Variants in SYNJ2 observed in about 807,000 individuals in gnomAD.
The protein encoded by SYNJ2 is synaptojanin 2, also known as polyphosphatidylinositol phosphatase SYNJ2.
In SYNJ2, 116 loss-of-function variants were observed where a neutral mutation model predicts 141.3. The observed-to-expected ratio is 0.82, with a 90% CI of 0.71 to 0.96. The LOEUF is 0.96. Among genes scored for constraint, SYNJ2 ranks in the 40% least tolerant of loss-of-function variants. The pLI is 0.00. For missense variants in SYNJ2, 1,873 were observed against 1,934.8 expected, an observed-to-expected ratio of 0.97 and a Z score of 0.60; for synonymous variants, 745 against 777.7, an observed-to-expected ratio of 0.96 and a Z score of 0.70.
At chr6:157,985,994 G>C (rs1193379941) in intron 1 of SYNJ2, among the ~76,000 whole-genome samples, 2 of 152,238 alleles carry the variant, frequency 1.3e-5, no homozygotes, top group Non-Finnish European at 2.9e-5. Flanking sequence ...GAATTGGTGA[G>C]ATGGCCCCAG....
In SYNJ2 at chr6:158,083,592, C is replaced by A; in HGVS notation, c.3029C>A (p.Ser1010Ter). 1 of 1,614,120 alleles carries A rather than the reference C, an allele frequency of 6.2e-7. No individual in the cohort carries two copies. Among genetic ancestry groups the A allele is most frequent in the South Asian group, 1.1e-5 (1 of 91,070 alleles). The change falls in exon 21 of 27, where the codon TCA becomes TAA. Residue 1010 changes from serine to a stop codon, truncating the protein, a stop_gained. Coordinates refer to ENST00000355585, the MANE Select transcript of SYNJ2 (RefSeq NM_003898.4). LOFTEE classifies it high-confidence loss of function. ...NFDFTSLDYE[S>*]EGDILEDDED... is the part of the protein sequence containing the mutation. ...GACTTCACAAGTTTGGACTATGAGT[C>A]AGAAGGTTAGTGACCCTGCAGGGAG... is the stretch of plus-strand genomic sequence containing the variant.
At chr6:158,083,284 T>C (rs1460942203) in intron 20 of SYNJ2, 145 bp from the exon 21 acceptor site, 2 of 923,132 alleles carry the variant, frequency 2.2e-6, no homozygotes, top group Non-Finnish European at 3.2e-6. Flanking sequence ...TGAGCCTGCG[T>C]GAGGTCTGGA....
intron 1 of SYNJ2, among the ~76,000 whole-genome samples, chr6:157,993,736 A>C (rs1452502401): frequency 2.7e-5 from 1 of 37,332 alleles, no homozygotes; most frequent in African/African-American, 1.8e-4. Flanking sequence ...TTTTTTTTTT[A>C]AGTAACCTGG....
upstream of SYNJ2, among the ~76,000 whole-genome samples, chr6:157,981,695 G>A (rs969677025): frequency 5.3e-5 from 8 of 151,824 alleles, no homozygotes; most frequent in Non-Finnish European, 1.2e-4. This position sits in a 1 kb window ranked among gnomAD's most constrained non-coding sequence, Gnocchi z 6.4. Context: ...CCTCAGCCCC[G>A]GGGCGCGGCC....
rs1447253732 is a variant in SYNJ2 at position 157,995,653 on chromosome 6, A to ACATG, written c.127+13572_127+13575dup. 2.6e-5 allele frequency among the ~76,000 whole-genome samples: 4 copies of ACATG among 152,364 alleles called. No individual in the cohort carries two copies. In the South Asian group the frequency reaches 6.2e-4, roughly 24 times the overall value. Reference sequence around the variant, plus strand: ...GGCATGCGCCAGGAGACAGACGGACACATGCATGCACACACACACACAGCG... The same window carrying ACATG: ...GGCATGCGCCAGGAGACAGACGGACACATGCATGCATGCACACACACACACAGCG... On this transcript the variant is annotated intron_variant, in intron 1 of 26. Transcript: ENST00000355585.
chr6:158,014,563 G>A (rs187069864), intron 1 of SYNJ2, among the ~76,000 whole-genome samples: 80 of 152,368 alleles, frequency 5.3e-4, no homozygotes, highest in Non-Finnish European at 1.0e-3. Context: ...CTCCAGCTAC[G>A]CTGGTAATCA....
chr6:158,074,559 A>G, intron 15 of SYNJ2, 21 bp from the exon 16 acceptor site: 1 of 1,606,634 alleles, frequency 6.2e-7, no homozygotes. Context: ...CTGAATGATT[A>G]TGATTTTCTT....
chr6:158,057,089 GC>G (rs1780912980), intron 6 of SYNJ2, among the ~76,000 whole-genome samples: 1 of 152,132 alleles, frequency 6.6e-6, no homozygotes, highest in Non-Finnish European at 1.5e-5. Context: ...CGGCTGCTGT[GC>G]ACATCAGGGT....
intron 1 of SYNJ2, among the ~76,000 whole-genome samples, chr6:158,005,034 A>C (rs1583304157): frequency 2.1e-5 from 3 of 140,364 alleles, no homozygotes; most frequent in African/African-American, 2.7e-5. Context: ...TTCTTTCTCC[A>C]CTTTCACCTT....
At chr6:158,036,617 G>A (rs545260095) in intron 4 of SYNJ2, among the ~76,000 whole-genome samples, 1 of 152,254 alleles carries the variant, frequency 6.6e-6, no homozygotes, top group South Asian at 2.1e-4. Context: ...GCCTATCAGA[G>A]GGTGGAGGAT....
At chr6:158,013,390 C>T (rs1193949449) in intron 1 of SYNJ2, among the ~76,000 whole-genome samples, 1 of 152,088 alleles carries the variant, frequency 6.6e-6, no homozygotes, top group East Asian at 1.9e-4. Flanking sequence ...AAAAAAATTG[C>T]ATACAATTTT....
At position 158,093,036 on chromosome 6, in the gene SYNJ2, C is replaced by T; in HGVS notation, c.3676C>T (p.Leu1226Phe). ...AKPETPQAPP[L>F]LPRRPPPRVP... ...ACCAGAGACCCCACAGGCGCCCCCACTCCTTCCCCGTCGGCCCCCACCCAG... is the reference window on the plus strand; with the variant it reads ...ACCAGAGACCCCACAGGCGCCCCCATTCCTTCCCCGTCGGCCCCCACCCAG... Residue 1226 changes from leucine to phenylalanine, a missense_variant, in exon 26 of 27, where the codon CTC becomes TTC. Transcript: ENST00000355585. 4 of 1,611,634 alleles carry T rather than the reference C, an allele frequency of 2.5e-6. No individual in the cohort carries two copies. Among genetic ancestry groups the T allele is most frequent in the Non-Finnish European group, 3.4e-6 (4 of 1,179,438 alleles).
In SYNJ2 at chr6:158,049,247, G is replaced by A. The variant is rs565044301; in HGVS notation, c.796-5720G>A. Among the ~76,000 whole-genome samples the A allele has an allele frequency of 3.9e-5, 6 of 152,240 alleles. No homozygotes were observed. The South Asian group carries it at 6.2e-4, about 16-fold the overall frequency. On this transcript the variant is annotated intron_variant, in intron 5 of 26. Transcript: ENST00000355585. ...CCCTTTGCCCAGAGGGGAGGAGGAC[G>A]GGGTGGAGGAGAAGGGAAGCTACAA...
Position 158,081,194 on chromosome 6 carries a change from C to T in SYNJ2, c.2653C>T (p.Gln885Ter), listed in dbSNP as rs1782655597. 1.2e-6 allele frequency: 2 copies of T among 1,614,136 alleles called. No individual in the cohort carries two copies. Among genetic ancestry groups the T allele is most frequent in the Non-Finnish European group, 1.7e-6 (2 of 1,180,012 alleles). The change falls in exon 19 of 27, where the codon CAG becomes TAG. Residue 885 changes from glutamine (Q) to a stop codon, truncating the protein, a stop_gained. Coordinates refer to ENST00000355585, the MANE Select transcript of SYNJ2 (RefSeq NM_003898.4). LOFTEE classifies it high-confidence loss of function. ...ERVFQEVSSF[Q>*]GPLDATVVVN... ...GGTTTTCCAGGAAGTGTCCTCCTTC[C>T]AGGGCCCCCTGGATGCCACTGTTGT...
At chr6:158,067,092 C>T (rs889403713) in intron 12 of SYNJ2, among the ~76,000 whole-genome samples, 1 of 152,216 alleles carries the variant, frequency 6.6e-6, no homozygotes, top group Non-Finnish European at 1.5e-5. Context: ...AATCTCGGCT[C>T]ACTGCAACCT....
chr6:157,983,434 A>G (rs1733776986), intron 1 of SYNJ2, among the ~76,000 whole-genome samples: 1 of 152,166 alleles, frequency 6.6e-6, no homozygotes, highest in South Asian at 2.1e-4. Flanking sequence ...TCCATTTTAG[A>G]TGTCTACTTC....
intron 1 of SYNJ2, among the ~76,000 whole-genome samples, chr6:158,016,333 C>T (rs180937563): frequency 1.3e-5 from 2 of 152,272 alleles, no homozygotes; most frequent in South Asian, 2.1e-4. Context: ...AGGCTGGTCT[C>T]GAACTTCTGA....
At chr6:158,017,478 G>A (rs945861409) in intron 2 of SYNJ2, 188 bp downstream of exon 2, 19 of 779,590 alleles carry the variant, frequency 2.4e-5, no homozygotes, top group Middle Eastern at 4.0e-4. Flanking sequence ...GCAATGGCGC[G>A]ATCTCGGCTC....
chr6:158,007,984 G>A (rs1454237796), intron 1 of SYNJ2, among the ~76,000 whole-genome samples: 2 of 152,044 alleles, frequency 1.3e-5, no homozygotes, highest in Non-Finnish European at 2.9e-5. Context: ...TAGGGATGGA[G>A]TCTCACTGTG....
Sources: allele counts gnomAD v4.1 joint callset (sites outside exome capture counted in the v4.1 genomes callset), GRCh38; gene constraint gnomAD v4.1.1; non-coding constraint Gnocchi (gnomAD v3.1); transcripts MANE v1.5; gene names NCBI Gene and HGNC (gene_info 2026-07-23, HGNC 2026-07-21).